The following ANKS1B variants were observed in gnomAD, a reference collection of about 807,000 sequenced individuals.
ANKS1B encodes ankyrin repeat and sterile alpha motif domain containing 1B.
ANKS1B carries 36 observed loss-of-function variants against 148.3 expected under a neutral mutation model. That is an observed-to-expected ratio of 0.24 (90% CI 0.19 to 0.32). The LOEUF is 0.32. Among genes scored for constraint, ANKS1B ranks in the 10% least tolerant of loss-of-function variants. ANKS1B has a pLI of 1.00. For missense variants in ANKS1B, 1,157 were observed against 1,542.6 expected (o/e 0.75, Z 4.19); for synonymous variants, 542 against 560.8 (o/e 0.97, Z 0.47).
chr12:99,041,582 G>A (rs2099959006), intron 17 of ANKS1B, among the ~76,000 whole-genome samples: 1 of 151,784 alleles, frequency 6.6e-6, no homozygotes, highest in Non-Finnish European at 1.5e-5. Flanking sequence ...TTTTCCCCCC[G>A]GTGAGCCCCC....
At chr12:99,670,553 T>C (rs938044099) in intron 8 of ANKS1B, among the ~76,000 whole-genome samples, 1 of 152,108 alleles carries the variant, frequency 6.6e-6, no homozygotes, top group Non-Finnish European at 1.5e-5. Context: ...AAGGCTGAAC[T>C]CTAGGATGAG....
At chr12:99,272,544 T>G (rs1171459738) in intron 12 of ANKS1B, among the ~76,000 whole-genome samples, 1 of 152,224 alleles carries the variant, frequency 6.6e-6, no homozygotes, top group Admixed American at 6.5e-5. Context: ...ACATTTATCC[T>G]GATTTGACCA....
intron 12 of ANKS1B, among the ~76,000 whole-genome samples, chr12:99,271,761 G>C (rs1005693068): frequency 1.3e-4 from 19 of 149,004 alleles, no homozygotes; most frequent in Admixed American, 3.4e-4. Flanking sequence ...AAAGGTCTTA[G>C]CAACATGGCA....
chr12:99,298,019 A>G (rs2081125706), intron 12 of ANKS1B, among the ~76,000 whole-genome samples: 1 of 152,092 alleles, frequency 6.6e-6, no homozygotes, highest in Non-Finnish European at 1.5e-5. Flanking sequence ...GGCATTAGAC[A>G]GAAACAATTT....
intron 24 of ANKS1B, among the ~76,000 whole-genome samples, chr12:98,780,091 G>T (rs866222537): frequency 6.6e-6 from 1 of 152,166 alleles, no homozygotes; most frequent in Non-Finnish European, 1.5e-5. Context: ...GTCACTGCCC[G>T]TGAGACTTTT....
intron 11 of ANKS1B, among the ~76,000 whole-genome samples, chr12:99,405,967 A>C (rs2094522267): frequency 6.9e-6 from 1 of 145,840 alleles, no homozygotes; most frequent in Non-Finnish European, 1.5e-5. Context: ...ATAAAGGGTG[A>C]AAATCAAGAA....
At chr12:99,754,502 T>G (rs75149261) in intron 8 of ANKS1B, among the ~76,000 whole-genome samples, 110 of 152,264 alleles carry the variant, frequency 7.2e-4, no homozygotes, top group African/African-American at 2.6e-3. Context: ...ATGGATCACA[T>G]GAACCCAGCA....
At chr12:99,705,575 C>A (rs1464406043) in intron 8 of ANKS1B, among the ~76,000 whole-genome samples, 1 of 152,092 alleles carries the variant, frequency 6.6e-6, no homozygotes, top group East Asian at 1.9e-4. Flanking sequence ...ATTCTCAACA[C>A]TAGAATTTCA....
In ANKS1B at chr12:98,968,759, C is replaced by T. The variant is rs778380152; in HGVS notation, c.2778+84398G>A. On this transcript the variant is annotated intron_variant, in intron 17 of 26. Transcript: ENST00000683438. ...AAATTTGTTGGACCATCAGAAAGGA[C>T]AGCAGATGGCCCTTGTGCCTAGGAG... 2.6e-5 allele frequency among the ~76,000 whole-genome samples: 4 copies of T among 151,260 alleles called. No individual in the cohort carries two copies. The South Asian group carries it at 8.4e-4, about 32-fold the overall frequency.
chr12:99,552,712 C>T (rs567123640), intron 9 of ANKS1B, among the ~76,000 whole-genome samples: 1 of 152,286 alleles, frequency 6.6e-6, no homozygotes, highest in Non-Finnish European at 1.5e-5. Flanking sequence ...TTCCAAGACA[C>T]CACTGCCCCA....
chr12:99,934,959 T>C (rs748004976), intron 1 of ANKS1B, among the ~76,000 whole-genome samples: 1 of 152,178 alleles, frequency 6.6e-6, no homozygotes, highest in Non-Finnish European at 1.5e-5. Flanking sequence ...ACTGGTGATC[T>C]GGGATAAGAG....
At chr12:99,681,986 C>T (rs1308937469) in intron 8 of ANKS1B, among the ~76,000 whole-genome samples, 2 of 152,150 alleles carry the variant, frequency 1.3e-5, no homozygotes, top group Admixed American at 6.5e-5. Flanking sequence ...TAAGGTAAAA[C>T]AGACTTTGAA....
intron 9 of ANKS1B, among the ~76,000 whole-genome samples, chr12:99,591,857 T>C (rs2097706279): frequency 6.6e-6 from 1 of 152,188 alleles, no homozygotes; most frequent in African/African-American, 2.4e-5. Flanking sequence ...TCTACATAAA[T>C]GGATATAGAC....
intron 1 of ANKS1B, among the ~76,000 whole-genome samples, chr12:99,973,334 C>T (rs1200119481): frequency 1.3e-5 from 2 of 152,196 alleles, no homozygotes; most frequent in Non-Finnish European, 2.9e-5. Flanking sequence ...AATCCCAACA[C>T]TTTGGGAGGC....
At chr12:99,741,955 T>C (rs147183809) in intron 8 of ANKS1B, among the ~76,000 whole-genome samples, 173 of 152,018 alleles carry the variant, frequency 1.1e-3, no homozygotes, top group Non-Finnish European at 8.8e-4. Flanking sequence ...TTTGCAGGGA[T>C]ATGGATGGAC....
intron 12 of ANKS1B, among the ~76,000 whole-genome samples, chr12:99,360,112 C>A (rs1375162260): frequency 6.6e-6 from 1 of 152,140 alleles, no homozygotes; most frequent in Non-Finnish European, 1.5e-5. Flanking sequence ...TTTCACTTCT[C>A]AGAGAATACC....
intron 12 of ANKS1B, among the ~76,000 whole-genome samples, chr12:99,282,565 G>T (rs1268347775): frequency 6.6e-6 from 1 of 152,096 alleles, no homozygotes; most frequent in Non-Finnish European, 1.5e-5. Flanking sequence ...CCCTAATCCA[G>T]GCAGGAAAAG....
chr12:99,335,585 T>A (rs557539388), intron 12 of ANKS1B, among the ~76,000 whole-genome samples: 17 of 152,262 alleles, frequency 1.1e-4, no homozygotes, highest in Admixed American at 9.2e-4. Context: ...CATAAATAAA[T>A]GAGAACATGC....
At chr12:99,238,004 G>T (rs1195640997) in intron 14 of ANKS1B, among the ~76,000 whole-genome samples, 1 of 152,206 alleles carries the variant, frequency 6.6e-6, no homozygotes, top group Admixed American at 6.5e-5. Flanking sequence ...GGTGATTTCT[G>T]CATTTCCAAC....
Sources: allele counts gnomAD v4.1 joint callset (sites outside exome capture counted in the v4.1 genomes callset), GRCh38; gene constraint gnomAD v4.1.1; transcripts MANE v1.5; gene names NCBI Gene and HGNC (gene_info 2026-07-23, HGNC 2026-07-21).